Variants in UGT1A7 observed in about 807,000 individuals in gnomAD.
The protein encoded by UGT1A7 is UDP-glucuronosyltransferase 1A7.
Under a neutral mutation model 45.6 loss-of-function variants are expected in UGT1A7, and 33 were observed. The ratio of observed to expected loss-of-function variants is 0.72; its 90% confidence interval spans 0.55 to 0.97. The LOEUF is 0.97. UGT1A7 is among the 50% of genes least tolerant of loss of function. The probability of loss-of-function intolerance (pLI) is 0.00; values close to 1 mark genes in which losing one functional copy is unlikely to be tolerated. For missense variants in UGT1A7, 684 were observed against 666.2 expected (o/e 1.03, Z -0.29); for synonymous variants, 274 against 250.6 (o/e 1.09, Z -0.88).
chr2:233,747,780 C>A, intron 1 of UGT1A7: 1 of 1,613,502 alleles, frequency 6.2e-7, no homozygotes, highest in South Asian at 1.1e-5. Flanking sequence ...GTGTCCAAAT[C>A]CTTCCTCCTA....
Position 233,745,964 on chromosome 2 carries a change from C to T in UGT1A7, c.856-21070C>T, listed in dbSNP as rs543022659. Among the ~76,000 whole-genome samples, 31 of 151,710 alleles carry T rather than the reference C, an allele frequency of 2.0e-4. No homozygotes were observed. In the South Asian group the frequency reaches 6.4e-3, roughly 32 times the overall value. The stretch of plus-strand genomic sequence containing the variant: ...GGGTTGGGCAACTGGGGGACAGGGG[C>T]CCTGAAATGGGACCATGACAGCTGG... On this transcript the variant is annotated intron_variant, in intron 1 of 4. Transcript: ENST00000373426.
intron 1 of UGT1A7, among the ~76,000 whole-genome samples, chr2:233,758,290 A>G (rs1270361168): frequency 6.6e-6 from 1 of 152,254 alleles, no homozygotes; most frequent in East Asian, 1.9e-4. Flanking sequence ...AGCTGTGGCC[A>G]CAAACCATCC....
chr2:233,771,098 A>C (rs1387885615), intron 4 of UGT1A7: 1 of 152,210 alleles, frequency 6.6e-6, no homozygotes, highest in Non-Finnish European at 1.5e-5. Flanking sequence ...TATCAGGAAG[A>C]CAGCACTAAA....
chr2:233,765,991 C>T (rs939830697), intron 1 of UGT1A7, among the ~76,000 whole-genome samples: 3 of 152,048 alleles, frequency 2.0e-5, no homozygotes, highest in Admixed American at 1.3e-4. Context: ...TCCTGAAGCT[C>T]CAGTGGGCGT....
Position 233,768,298 on chromosome 2 carries a change from T to A in UGT1A7, c.1154T>A (p.Met385Lys). The A allele has an allele frequency of 6.2e-7, 1 of 1,614,192 alleles. No individual in the cohort carries two copies. Reference protein sequence around the residue: ...VYESICNGVPMVMMPLFGDQM... With the variant: ...VYESICNGVPKVMMPLFGDQM... ...GAAAGCATATGCAATGGCGTTCCCA[T>A]GGTGATGATGCCCTTGTTTGGTGAT... Residue 385 changes from methionine (M) to lysine (K), a missense_variant, in exon 4 of 5, where the codon ATG (methionine) becomes AAG (lysine). Met to Lys is a moderately conservative substitution (Grantham distance 95, BLOSUM62 -1). Transcript: ENST00000373426.
At chr2:233,688,298 T>A (rs1218432099) in intron 1 of UGT1A7, among the ~76,000 whole-genome samples, 6 of 152,258 alleles carry the variant, frequency 3.9e-5, no homozygotes, top group Non-Finnish European at 8.8e-5. Context: ...GCATTTTTTT[T>A]ATCCATTCAT....
intron 1 of UGT1A7, chr2:233,747,716 T>C: frequency 6.2e-7 from 1 of 1,613,280 alleles, no homozygotes; most frequent in Non-Finnish European, 8.5e-7. Context: ...TATCAATTCC[T>C]GCTGTGTTTT....
At chr2:233,696,147 G>T (rs933001252) in intron 1 of UGT1A7, among the ~76,000 whole-genome samples, 1 of 152,112 alleles carries the variant, frequency 6.6e-6, no homozygotes, top group Non-Finnish European at 1.5e-5. Context: ...CCATTGCTGG[G>T]TATATATCCA....
intron 1 of UGT1A7, among the ~76,000 whole-genome samples, chr2:233,724,345 CCCCACCT>C (rs1279096074): frequency 6.8e-6 from 1 of 147,952 alleles, no homozygotes; most frequent in African/African-American, 2.5e-5. Context: ...GGCTGACCCC[CCCCACCT>C]CCCTCCCGGA....
intron 1 of UGT1A7, chr2:233,689,861 TA>T (rs2074963231): frequency 2.2e-6 from 1 of 456,300 alleles, no homozygotes; most frequent in Non-Finnish European, 4.4e-6. Context: ...AGGCTACTAT[TA>T]CCTTCTTGCT....
intron 1 of UGT1A7, among the ~76,000 whole-genome samples, chr2:233,749,727 C>A (rs1694261714): frequency 6.6e-6 from 1 of 151,854 alleles, no homozygotes; most frequent in Admixed American, 6.5e-5. Context: ...CAGTTTCGCA[C>A]CTGCTGGTCT....
chr2:233,749,993 A>G (rs1274473533), intron 1 of UGT1A7, among the ~76,000 whole-genome samples: 2 of 151,856 alleles, frequency 1.3e-5, no homozygotes, highest in African/African-American at 4.9e-5. Context: ...GGACTAATAT[A>G]TTAAATTGGT....
rs907498423 is a variant in UGT1A7, at chr2:233,772,974, A to C, written c.*415A>C. The stretch of plus-strand genomic sequence containing the variant: ...GATGGTTGCAATTGATCCTTAACCA[A>C]TAATGGTCAGTCCTCATCTCTGTCG... On this transcript the variant is annotated 3_prime_UTR_variant, in exon 5 of 5. Transcript: ENST00000373426. 3.0e-5 allele frequency: 9 copies of C among 303,654 alleles called. No individual in the cohort carries two copies. The highest frequency in any genetic ancestry group is 5.7e-5 in the Non-Finnish European group (9 of 158,574). The allele number at this position is 303,654 out of a possible 1,614,324, so 18.8% of individuals were successfully genotyped here.
At chr2:233,719,208 G>A (rs2076737405) in intron 1 of UGT1A7, 1 of 1,614,098 alleles carries the variant, frequency 6.2e-7, no homozygotes, top group African/African-American at 1.3e-5. Context: ...GTGTTGTGTG[G>A]AGCTACTGCA....
At chr2:233,746,140 G>A (rs779278440) in intron 1 of UGT1A7, among the ~76,000 whole-genome samples, 6 of 151,874 alleles carry the variant, frequency 4.0e-5, no homozygotes, top group Non-Finnish European at 8.8e-5. Context: ...TGGCACCTGA[G>A]TGATAGCATG....
chr2:233,693,260 G>A (rs776937085), intron 1 of UGT1A7: 12 of 1,614,006 alleles, frequency 7.4e-6, no homozygotes, highest in Non-Finnish European at 1.0e-5. Flanking sequence ...TGACCAAGAA[G>A]AGCTGAAGAA....
At chr2:233,713,593 A>G in intron 1 of UGT1A7, 2 of 1,613,934 alleles carry the variant, frequency 1.2e-6, no homozygotes, top group South Asian at 1.1e-5. Context: ...CTAACGACCA[A>G]TTCAGACCAC....
intron 1 of UGT1A7, chr2:233,719,027 C>A: frequency 1.2e-6 from 2 of 1,614,228 alleles, no homozygotes; most frequent in South Asian, 1.1e-5. Flanking sequence ...ATATGCACAT[C>A]AAAGAAGAGA....
intron 1 of UGT1A7, chr2:233,747,412 T>C: frequency 6.2e-7 from 1 of 1,607,344 alleles, no homozygotes; most frequent in East Asian, 2.2e-5. Context: ...GAGGTGAATA[T>C]GCACATCAAA....
Sources: gnomAD v4.1 joint callset for allele counts (sites outside exome capture counted in the v4.1 genomes callset) on GRCh38, gnomAD v4.1.1 for gene constraint, MANE v1.5 for transcripts, NCBI Gene and HGNC (gene_info 2026-07-23, HGNC 2026-07-21) for gene names.